The following ACKR3 variants were observed in gnomAD, a reference collection of about 807,000 sequenced individuals.
ACKR3 encodes the protein C-X-C chemokine receptor type 7.
Under a neutral mutation model 22.4 loss-of-function variants are expected in ACKR3, and 6 were observed. The ratio of observed to expected loss-of-function variants is 0.27; its 90% confidence interval spans 0.15 to 0.53. The LOEUF is 0.53. Ranked by LOEUF, ACKR3 falls within the 20% of genes least tolerant of loss-of-function variation. The pLI is 0.96. For missense variants in ACKR3, 396 were observed against 475.2 expected, an observed-to-expected ratio of 0.83 and a Z score of 1.55; for synonymous variants, 209 against 205.2, an observed-to-expected ratio of 1.02 and a Z score of -0.16.
chr2:236,552,851 C>T, the ACKR3 span, among the ~76,000 whole-genome samples: 5 of 152,144 alleles, frequency 3.3e-5, no homozygotes, highest in South Asian at 2.1e-4. Context: ...GCCACTTGTA[C>T]GGGCCTCTTC....
the ACKR3 span, among the ~76,000 whole-genome samples, chr2:236,550,895 G>A: frequency 3.9e-5 from 6 of 152,196 alleles, no homozygotes; most frequent in African/African-American, 1.4e-4. This position sits in a 1 kb window ranked among gnomAD's most constrained non-coding sequence, Gnocchi z 4.6. Flanking sequence ...CCGGCTGGGT[G>A]GCTGCAAGAA....
chr2:236,553,695 C>T, the ACKR3 span, among the ~76,000 whole-genome samples: 7 of 152,240 alleles, frequency 4.6e-5, no homozygotes, highest in Admixed American at 1.3e-4. Flanking sequence ...GAGGGTTTCC[C>T]GCCATGCGGG....
At chr2:236,571,927 AGT>A (rs1691319438) in intron 1 of ACKR3, among the ~76,000 whole-genome samples, 1 of 152,242 alleles carries the variant, frequency 6.6e-6, no homozygotes. Flanking sequence ...CAAATAACTT[AGT>A]TTTATTATTA....
At chr2:236,573,963 C>T (rs111460793) in intron 1 of ACKR3, among the ~76,000 whole-genome samples, 3 of 152,170 alleles carry the variant, frequency 2.0e-5, no homozygotes, top group African/African-American at 7.2e-5. Context: ...CCTGGAACAT[C>T]CTTGATCACC....
rs957573738 is a variant in ACKR3, at chr2:236,581,579, G to T, written c.*25G>T. ...ATCTGCCCTGGAGAGGCTCTGGGAC[G>T]GGTTTACTTGTTTTTGAACAGGGTG... On this transcript the variant is annotated 3_prime_UTR_variant, in exon 2 of 2. Coordinates refer to ENST00000272928, the MANE Select transcript of ACKR3 (RefSeq NM_020311.3). This position sits in a 1 kb window ranked among gnomAD's most constrained non-coding sequence, Gnocchi z 4.4. The T allele has an allele frequency of 6.3e-7, 1 of 1,595,072 alleles. No homozygotes were observed. Among genetic ancestry groups the T allele is most frequent in the Non-Finnish European group, 8.6e-7 (1 of 1,168,562 alleles).
rs748171900 is a variant in ACKR3, at chr2:236,574,296, T to C, written c.-27+4372T>C. Among the ~76,000 whole-genome samples, 6 of 152,160 alleles carry C rather than the reference T, an allele frequency of 3.9e-5. No individual in the cohort carries two copies. The highest frequency in any genetic ancestry group is 5.9e-5 in the Non-Finnish European group (4 of 68,004). On this transcript the variant is annotated intron_variant, in intron 1 of 1. Transcript: ENST00000272928. This position sits in a 1 kb window ranked among gnomAD's most constrained non-coding sequence, Gnocchi z 5.6. ...TGGGGCACGATTAACTGCTGGCTCATTGAGTACCTACTATGTGCAGCTGTA... is the reference window on the plus strand; with the variant it reads ...TGGGGCACGATTAACTGCTGGCTCACTGAGTACCTACTATGTGCAGCTGTA...
intron 1 of ACKR3, among the ~76,000 whole-genome samples, chr2:236,578,241 C>A (rs1691453549): frequency 6.6e-6 from 1 of 152,218 alleles, no homozygotes; most frequent in East Asian, 1.9e-4. Flanking sequence ...ACAGGGTGTC[C>A]TCAGCTCCCT....
chr2:236,570,006 G>A (rs1199795609), intron 1 of ACKR3, 82 bp downstream of exon 1: 1 of 152,218 alleles, frequency 6.6e-6, no homozygotes, highest in African/African-American at 2.4e-5. Context: ...TCTTTTCAAA[G>A]GCCTTCTTTA....
the ACKR3 span, among the ~76,000 whole-genome samples, chr2:236,537,784 C>T: frequency 6.6e-6 from 1 of 152,258 alleles, no homozygotes; most frequent in Admixed American, 6.5e-5. Flanking sequence ...CACCCACGTG[C>T]TCTCTTCCAC....
chr2:236,559,216 C>T, the ACKR3 span, among the ~76,000 whole-genome samples: 2 of 152,206 alleles, frequency 1.3e-5, no homozygotes, highest in Non-Finnish European at 2.9e-5. Context: ...GAAAGTAATG[C>T]TTCACTCAGA....
chr2:236,580,742 G>A lies in ACKR3; in HGVS notation c.277G>A (p.Val93Ile). ...GAACCTGGCCATTGCCGACCTGTGGGTTGTCCTCACCATCCCAGTCTGGGT... is the reference window on the plus strand; with the variant it reads ...GAACCTGGCCATTGCCGACCTGTGGATTGTCCTCACCATCCCAGTCTGGGT... ...ILNLAIADLWVVLTIPVWVVS... is the reference protein window; with the variant it reads ...ILNLAIADLWIVLTIPVWVVS... Residue 93 changes from valine (V) to isoleucine (I), a missense_variant, in exon 2 of 2, where the codon GTT (valine) becomes ATT (isoleucine). Coordinates refer to ENST00000272928, the MANE Select transcript of ACKR3 (RefSeq NM_020311.3). 1 of 1,614,170 alleles carries A rather than the reference G, an allele frequency of 6.2e-7. No individual in the cohort carries two copies. Among genetic ancestry groups the A allele is most frequent in the South Asian group, 1.1e-5 (1 of 91,080 alleles).
chr2:236,541,729 G>C, the ACKR3 span, among the ~76,000 whole-genome samples: 1 of 152,186 alleles, frequency 6.6e-6, no homozygotes, highest in Non-Finnish European at 1.5e-5. Context: ...AATGTCAAGG[G>C]TGGGGCCAGG....
chr2:236,568,979 A>G (rs1257317823), upstream of ACKR3, among the ~76,000 whole-genome samples: 1 of 152,192 alleles, frequency 6.6e-6, no homozygotes, highest in East Asian at 1.9e-4. Context: ...ATTTTTGTAA[A>G]TGGGGCATTG....
chr2:236,540,619 T>TG, the ACKR3 span, among the ~76,000 whole-genome samples: 9 of 152,362 alleles, frequency 5.9e-5, no homozygotes, highest in South Asian at 1.2e-3. Context: ...ATAAGTTATA[T>TG]AATTTAATCT....
chr2:236,561,623 C>T, the ACKR3 span, among the ~76,000 whole-genome samples: 2 of 152,086 alleles, frequency 1.3e-5, no homozygotes, highest in Non-Finnish European at 1.5e-5. Flanking sequence ...TCCTGAGTAG[C>T]TGGGATTACA....
chr2:236,555,820 G>GA, the ACKR3 span, among the ~76,000 whole-genome samples: 1,898 of 133,962 alleles, frequency 0.014, 45 homozygotes, highest in South Asian at 0.11. Flanking sequence ...TACCTTAAAG[G>GA]AAAAAAAAAA....
At chr2:236,539,271 T>C in the ACKR3 span, among the ~76,000 whole-genome samples, 2 of 151,486 alleles carry the variant, frequency 1.3e-5, no homozygotes, top group Non-Finnish European at 2.9e-5. Context: ...TCTCTCTCTC[T>C]CTCTTTGTGT....
At chr2:236,548,246 C>T in the ACKR3 span, among the ~76,000 whole-genome samples, 1 of 151,918 alleles carries the variant, frequency 6.6e-6, no homozygotes, top group Non-Finnish European at 1.5e-5. This position sits in a 1 kb window ranked among gnomAD's most constrained non-coding sequence, Gnocchi z 4.3. Flanking sequence ...TTCTTATGAA[C>T]TCATGATCAG....
chr2:236,550,242 C>T, the ACKR3 span, among the ~76,000 whole-genome samples: 1 of 152,276 alleles, frequency 6.6e-6, no homozygotes, highest in Middle Eastern at 3.4e-3. The surrounding 1 kb of genome is among the most constrained non-coding windows in gnomAD (Gnocchi z 4.6). Flanking sequence ...TCGTGCCTGC[C>T]CCTGGTGTCC....
Sources: gnomAD v4.1 joint callset for allele counts (sites outside exome capture counted in the v4.1 genomes callset) on GRCh38, gnomAD v4.1.1 for gene constraint, Gnocchi (gnomAD v3.1) non-coding constraint, MANE v1.5 for transcripts, NCBI Gene and HGNC (gene_info 2026-07-23, HGNC 2026-07-21) for gene names.